The following ATP6V1H variants were observed in gnomAD, a reference collection of about 807,000 sequenced individuals.
The protein encoded by ATP6V1H is V-type proton ATPase subunit H.
A neutral mutation model predicts 71.7 loss-of-function variants in ATP6V1H; 39 were observed. The observed-to-expected ratio is 0.54, with a 90% CI of 0.42 to 0.71. The LOEUF is 0.71. ATP6V1H is among the 30% of genes least tolerant of loss of function. The pLI, the probability that ATP6V1H is intolerant of heterozygous loss-of-function variation, is 0.00. For missense variants in ATP6V1H, 509 were observed against 594.9 expected (o/e 0.86, Z 1.50); for synonymous variants, 192 against 199.3 (o/e 0.96, Z 0.31).
intron 1 of ATP6V1H, 45 bp from the exon 2 acceptor site, chr8:53,841,770 T>G: frequency 6.5e-7 from 1 of 1,536,532 alleles, no homozygotes; most frequent in South Asian, 1.2e-5. Flanking sequence ...AGGTGTTTCT[T>G]TTTTTTACAA....
intron 4 of ATP6V1H, among the ~76,000 whole-genome samples, chr8:53,820,615 T>G (rs1810618850): frequency 1.3e-5 from 2 of 148,794 alleles, no homozygotes; most frequent in South Asian, 4.2e-4. Flanking sequence ...TACAGTGAGC[T>G]ATAATGGCGC....
intron 3 of ATP6V1H, among the ~76,000 whole-genome samples, chr8:53,829,815 C>T (rs927519685): frequency 6.6e-6 from 1 of 152,036 alleles, no homozygotes; most frequent in Non-Finnish European, 1.5e-5. Context: ...TTACCGACGA[C>T]GGCATAAAGT....
At chr8:53,718,358 T>C (rs1001021776) in intron 13 of ATP6V1H, among the ~76,000 whole-genome samples, 2 of 151,504 alleles carry the variant, frequency 1.3e-5, no homozygotes, top group Non-Finnish European at 2.9e-5. Context: ...AAGATATAAA[T>C]TACAGGTAAC....
chr8:53,789,432 G>A (rs934635624), intron 9 of ATP6V1H, among the ~76,000 whole-genome samples: 6 of 152,242 alleles, frequency 3.9e-5, no homozygotes, highest in African/African-American at 1.4e-4. Context: ...CAGCACTTTG[G>A]GAGGCCGAAG....
At chr8:53,834,084 C>T (rs1477916160) in intron 2 of ATP6V1H, among the ~76,000 whole-genome samples, 1 of 152,156 alleles carries the variant, frequency 6.6e-6, no homozygotes, top group Non-Finnish European at 1.5e-5. Flanking sequence ...GACCTGCTAG[C>T]CCCCTGTAAG....
At chr8:53,717,255 A>G (rs1481165867) in intron 13 of ATP6V1H, among the ~76,000 whole-genome samples, 1 of 152,188 alleles carries the variant, frequency 6.6e-6, no homozygotes. Flanking sequence ...AGATTTTAAG[A>G]CAGAAAAGAC....
intron 3 of ATP6V1H, among the ~76,000 whole-genome samples, chr8:53,831,499 C>T (rs1007713087): frequency 1.3e-5 from 2 of 152,142 alleles, no homozygotes; most frequent in Non-Finnish European, 2.9e-5. Flanking sequence ...TAGAAGCAAT[C>T]GATATGGATA....
At chr8:53,839,970 C>G in intron 2 of ATP6V1H, 1 of 957,004 alleles carries the variant, frequency 1.0e-6, no homozygotes, top group Non-Finnish European at 1.2e-6. Flanking sequence ...TTGCCTGCCT[C>G]CAAAACATGT....
chr8:53,775,539 A>G (rs1290159584), intron 9 of ATP6V1H, among the ~76,000 whole-genome samples: 10 of 152,286 alleles, frequency 6.6e-5, no homozygotes, highest in African/African-American at 2.4e-4. Flanking sequence ...AGTTAGATAC[A>G]GAGTTTGGAC....
intron 9 of ATP6V1H, among the ~76,000 whole-genome samples, chr8:53,789,400 C>T (rs548834590): frequency 4.6e-5 from 7 of 152,200 alleles, no homozygotes; most frequent in Non-Finnish European, 8.8e-5. Flanking sequence ...GGGCCAGGCA[C>T]GGTGGCTCAC....
At chr8:53,766,413 C>T (rs959933532) in intron 11 of ATP6V1H, among the ~76,000 whole-genome samples, 7 of 152,270 alleles carry the variant, frequency 4.6e-5, no homozygotes, top group East Asian at 1.9e-4. Flanking sequence ...GTAATAATTA[C>T]GTTAACTACA....
intron 9 of ATP6V1H, among the ~76,000 whole-genome samples, chr8:53,778,944 A>G (rs957522171): frequency 6.6e-6 from 1 of 152,222 alleles, no homozygotes; most frequent in Non-Finnish European, 1.5e-5. Flanking sequence ...AACAAAGAGC[A>G]TTACCAGTGA....
intron 5 of ATP6V1H, among the ~76,000 whole-genome samples, chr8:53,816,478 G>A (rs1810453942): frequency 6.6e-6 from 1 of 152,036 alleles, no homozygotes. Context: ...TCAGTACTAG[G>A]GCTTCCAAAC....
chr8:53,762,117 A>G (rs998844314), intron 11 of ATP6V1H, among the ~76,000 whole-genome samples: 10 of 152,214 alleles, frequency 6.6e-5, no homozygotes, highest in African/African-American at 2.4e-4. Flanking sequence ...TTAGTTTCTC[A>G]GCTACCAAGA....
chr8:53,837,332 C>G (rs773952487), intron 2 of ATP6V1H, among the ~76,000 whole-genome samples: 1 of 152,194 alleles, frequency 6.6e-6, no homozygotes, highest in Non-Finnish European at 1.5e-5. Context: ...TGGCAGCCTA[C>G]TACATGCCAG....
chr8:53,827,747 T>A (rs1484354617), intron 4 of ATP6V1H, among the ~76,000 whole-genome samples: 1 of 152,110 alleles, frequency 6.6e-6, no homozygotes, highest in Non-Finnish European at 1.5e-5. Context: ...TTTTTTCTGA[T>A]CCTCTCTCTC....
At chr8:53,738,322 T>C (rs1411897867) in intron 13 of ATP6V1H, among the ~76,000 whole-genome samples, 2 of 148,160 alleles carry the variant, frequency 1.3e-5, no homozygotes, top group Non-Finnish European at 3.0e-5. Flanking sequence ...TGCGTGCACG[T>C]GCACACACAC....
At chr8:53,759,828 A>G (rs1199284960) in intron 11 of ATP6V1H, among the ~76,000 whole-genome samples, 3 of 152,242 alleles carry the variant, frequency 2.0e-5, no homozygotes, top group Non-Finnish European at 4.4e-5. Flanking sequence ...TATTTTCTGT[A>G]TACTTCAAAA....
At chr8:53,838,646 T>C (rs1009616969) in intron 2 of ATP6V1H, among the ~76,000 whole-genome samples, 1 of 152,228 alleles carries the variant, frequency 6.6e-6, no homozygotes, top group Non-Finnish European at 1.5e-5. Flanking sequence ...TTATAATTCT[T>C]GTATCCTCAA....
Sources: allele counts gnomAD v4.1 joint callset (sites outside exome capture counted in the v4.1 genomes callset), GRCh38; gene constraint gnomAD v4.1.1; transcripts MANE v1.5; gene names NCBI Gene and HGNC (gene_info 2026-07-23, HGNC 2026-07-21).